CTNND2: variants seen among roughly 807,000 people sequenced by gnomAD.
CTNND2 encodes the protein catenin delta 2.
In CTNND2, 22 loss-of-function variants were observed where a neutral mutation model predicts 144.4. The ratio of observed to expected loss-of-function variants is 0.15; its 90% confidence interval spans 0.11 to 0.22. The LOEUF (loss-of-function observed/expected upper bound fraction) is 0.22, where lower values mean the gene tolerates loss of function less well. Ranked by LOEUF, CTNND2 falls within the 10% of genes least tolerant of loss-of-function variation. CTNND2 has a pLI of 1.00. For missense variants in CTNND2, 1,353 were observed against 1,618.8 expected (o/e 0.84, Z 2.82); for synonymous variants, 751 against 695.6 (o/e 1.08, Z -1.25).
intron 3 of CTNND2, among the ~76,000 whole-genome samples, chr5:11,459,317 T>C (rs2149930128): frequency 1.3e-5 from 2 of 152,362 alleles, no homozygotes; most frequent in Middle Eastern, 3.4e-3. Context: ...ATTTAGATCT[T>C]ACTTCTGTAA....
chr5:11,016,509 GC>G (rs1741614777), intron 18 of CTNND2, among the ~76,000 whole-genome samples: 1 of 152,210 alleles, frequency 6.6e-6, no homozygotes, highest in African/African-American at 2.4e-5. Flanking sequence ...TATGATGTGA[GC>G]CCCTTACTGT....
intron 2 of CTNND2, among the ~76,000 whole-genome samples, chr5:11,582,516 G>A (rs1404422234): frequency 6.6e-6 from 1 of 152,218 alleles, no homozygotes; most frequent in Non-Finnish European, 1.5e-5. Flanking sequence ...TCTGGTGAGA[G>A]CATCAAGCAC....
At chr5:11,662,860 G>A (rs1783350026) in intron 2 of CTNND2, among the ~76,000 whole-genome samples, 1 of 152,098 alleles carries the variant, frequency 6.6e-6, no homozygotes, top group Non-Finnish European at 1.5e-5. Context: ...GCAAAACTGG[G>A]CCATGGTGTC....
intron 9 of CTNND2, among the ~76,000 whole-genome samples, chr5:11,329,448 C>T (rs1361985156): frequency 1.3e-5 from 2 of 152,204 alleles, no homozygotes; most frequent in African/African-American, 4.8e-5. Flanking sequence ...AGCCACCATG[C>T]CTGGCCAAAG....
chr5:11,284,482 C>T (rs1425988866), intron 9 of CTNND2, among the ~76,000 whole-genome samples: 1 of 152,122 alleles, frequency 6.6e-6, no homozygotes, highest in Non-Finnish European at 1.5e-5. Context: ...TCTCATTGTT[C>T]AGTTCCCACT....
At chr5:11,181,885 T>G (rs1409257385) in intron 11 of CTNND2, among the ~76,000 whole-genome samples, 2 of 141,530 alleles carry the variant, frequency 1.4e-5, no homozygotes, top group Non-Finnish European at 3.0e-5. Flanking sequence ...CGTGTGTGCA[T>G]GGATGTGTGT....
At chr5:11,658,210 T>TA (rs1016861920) in intron 2 of CTNND2, among the ~76,000 whole-genome samples, 25 of 151,602 alleles carry the variant, frequency 1.6e-4, no homozygotes, top group African/African-American at 5.8e-4. Flanking sequence ...CAAGTAAGAA[T>TA]AAAAAAAAAT....
chr5:11,587,388 G>C (rs1778944361), intron 2 of CTNND2, among the ~76,000 whole-genome samples: 1 of 151,940 alleles, frequency 6.6e-6, no homozygotes, highest in Non-Finnish European at 1.5e-5. Flanking sequence ...TACTTAGTAA[G>C]AGATGCCCTC....
intron 2 of CTNND2, among the ~76,000 whole-genome samples, chr5:11,675,526 C>T (rs543419495): frequency 2.0e-5 from 3 of 152,210 alleles, no homozygotes; most frequent in South Asian, 4.1e-4. Flanking sequence ...CTCTGTGTAA[C>T]CTGACCCCCC....
intron 7 of CTNND2, among the ~76,000 whole-genome samples, chr5:11,381,239 G>C (rs1758452488): frequency 2.0e-5 from 3 of 152,040 alleles, no homozygotes; most frequent in Admixed American, 2.0e-4. Flanking sequence ...TGACATTCTT[G>C]CTTTTGCCTT....
At chr5:10,993,498 T>A (rs1579977292) in intron 18 of CTNND2, among the ~76,000 whole-genome samples, 1 of 152,212 alleles carries the variant, frequency 6.6e-6, no homozygotes. Context: ...CAAAGTAACA[T>A]GTTAAATAGT....
chr5:11,305,144 T>C (rs1480046680), intron 9 of CTNND2, among the ~76,000 whole-genome samples: 2 of 152,194 alleles, frequency 1.3e-5, no homozygotes, highest in Non-Finnish European at 2.9e-5. Context: ...CAAAACATTG[T>C]TCTGAGCGCC....
chr5:11,125,722 T>C (rs1040861860), intron 12 of CTNND2, among the ~76,000 whole-genome samples: 4 of 152,244 alleles, frequency 2.6e-5, no homozygotes, highest in Admixed American at 1.3e-4. Context: ...TAGTCATTTA[T>C]TTTTTAAAAA....
At chr5:11,245,483 C>T (rs185878755) in intron 9 of CTNND2, among the ~76,000 whole-genome samples, 19 of 152,184 alleles carry the variant, frequency 1.2e-4, no homozygotes, top group African/African-American at 3.9e-4. Context: ...GTAACACTGA[C>T]GCACGAGGCC....
chr5:11,766,997 AC>A (rs1789631425), intron 1 of CTNND2, among the ~76,000 whole-genome samples: 2 of 151,616 alleles, frequency 1.3e-5, no homozygotes, highest in African/African-American at 4.9e-5. Flanking sequence ...CCTGAGACCC[AC>A]CCCACCCCAC....
At chr5:11,817,555 G>C (rs932966302) in intron 1 of CTNND2, among the ~76,000 whole-genome samples, 3 of 151,844 alleles carry the variant, frequency 2.0e-5, no homozygotes, top group African/African-American at 7.3e-5. Flanking sequence ...GAGGGAAGGA[G>C]AAAGGTAGTG....
intron 9 of CTNND2, among the ~76,000 whole-genome samples, chr5:11,283,510 C>T (rs1747375909): frequency 6.6e-6 from 1 of 151,564 alleles, no homozygotes; most frequent in Non-Finnish European, 1.5e-5. Context: ...CCCGTCTCTA[C>T]TAAAAATACA....
At position 11,903,807 on chromosome 5, in the gene CTNND2, C is replaced by G. The variant is rs762470133; in HGVS notation, c.37+10G>C. 3.0e-5 allele frequency: 44 copies of G among 1,480,986 alleles called. No homozygotes were observed. The South Asian group carries it at 5.1e-4, about 17-fold the overall frequency. The allele number at this position is 1,480,986 out of a possible 1,614,324, so 91.7% of individuals were successfully genotyped here. A position where few individuals can be genotyped will look rare whatever the true frequency, so the allele number is the denominator to read the frequency against. ...GCGCCCGGCCCCGGCCGCCCAGCCC[C>G]GCAACTCACCCAAAGGCGCGGCGCC... is the stretch of plus-strand genomic sequence containing the variant. On this transcript the variant is annotated intron_variant, in intron 1 of 21. Coordinates refer to ENST00000304623, the MANE Select transcript of CTNND2 (RefSeq NM_001332.4). This position sits in a 1 kb window ranked among gnomAD's most constrained non-coding sequence, Gnocchi z 5.4.
At chr5:11,400,997 T>G (rs1760599556) in intron 5 of CTNND2, among the ~76,000 whole-genome samples, 1 of 152,258 alleles carries the variant, frequency 6.6e-6, no homozygotes, top group South Asian at 2.1e-4. Context: ...TCCACTTGTT[T>G]GCAGGAGAAA....
Sources: allele counts gnomAD v4.1 joint callset (sites outside exome capture counted in the v4.1 genomes callset), GRCh38; gene constraint gnomAD v4.1.1; non-coding constraint Gnocchi (gnomAD v3.1); transcripts MANE v1.5; gene names NCBI Gene and HGNC (gene_info 2026-07-23, HGNC 2026-07-21).